VEPH1: variants seen among roughly 807,000 people sequenced by gnomAD.
The protein encoded by VEPH1 is ventricular zone expressed PH domain containing 1.
In VEPH1, 80 loss-of-function variants were observed where a neutral mutation model predicts 85.2. The observed-to-expected ratio is 0.94, with a 90% CI of 0.78 to 1.13. The LOEUF is 1.13. VEPH1 is among the 50% of genes most tolerant of loss of function. VEPH1 has a pLI of 0.00. For missense variants in VEPH1, 955 were observed against 980.5 expected, an observed-to-expected ratio of 0.97 and a Z score of 0.35; for synonymous variants, 297 against 348.0, an observed-to-expected ratio of 0.85 and a Z score of 1.63.
intron 4 of VEPH1, chr3:157,437,399 G>A: frequency 7.8e-7 from 1 of 1,279,718 alleles, no homozygotes; most frequent in Non-Finnish European, 1.1e-6. Context: ...TAAAGGGAAG[G>A]GGAATGCCAG....
At chr3:157,478,770 A>T (rs954506220) in intron 2 of VEPH1, among the ~76,000 whole-genome samples, 27 of 152,356 alleles carry the variant, frequency 1.8e-4, no homozygotes, top group African/African-American at 6.5e-4. Context: ...CACATTGTTC[A>T]TAACTGCAGC....
intron 7 of VEPH1, among the ~76,000 whole-genome samples, chr3:157,369,368 A>C (rs1338402618): frequency 6.6e-6 from 1 of 152,078 alleles, no homozygotes; most frequent in Non-Finnish European, 1.5e-5. Context: ...AATATGAAGA[A>C]TGAAGAAGCA....
intron 7 of VEPH1, among the ~76,000 whole-genome samples, chr3:157,375,183 G>A (rs1463988504): frequency 6.6e-6 from 1 of 152,230 alleles, no homozygotes; most frequent in Non-Finnish European, 1.5e-5. Context: ...TAGCACAGGA[G>A]CTACCATGTG....
At chr3:157,352,398 T>A (rs1285140192) in intron 9 of VEPH1, among the ~76,000 whole-genome samples, 2 of 152,238 alleles carry the variant, frequency 1.3e-5, no homozygotes, top group Non-Finnish European at 2.9e-5. Context: ...AACTTTCTAT[T>A]GAGTAAGGTG....
At position 157,470,404 on chromosome 3, in the gene VEPH1, G is replaced by C. The variant is rs565644625; in HGVS notation, c.264C>G (p.Ser88=). 6.2e-7 allele frequency: 1 copy of C among 1,614,128 alleles called. No individual in the cohort carries two copies. Among genetic ancestry groups the C allele is most frequent in the African/African-American group, 1.3e-5 (1 of 75,026 alleles). Residue 88 remains serine, a synonymous_variant, in exon 3 of 14, where the codon TCC becomes TCG. Coordinates refer to ENST00000362010, the MANE Select transcript of VEPH1 (RefSeq NM_001167912.2). ...HAKALVGLWD[S]CLEHNLRPFG... ...AGGGTCTCAGGTTATGTTCCAAGCAGGAGTCCCAGAGCCCCACAAGGGCCT... is the reference window on the plus strand; with the variant it reads ...AGGGTCTCAGGTTATGTTCCAAGCACGAGTCCCAGAGCCCCACAAGGGCCT...
At chr3:157,401,565 T>G (rs1037937741) in intron 6 of VEPH1, among the ~76,000 whole-genome samples, 2 of 152,098 alleles carry the variant, frequency 1.3e-5, no homozygotes, top group Non-Finnish European at 2.9e-5. Flanking sequence ...ATTTCATTAC[T>G]TATAGAGAAG....
At chr3:157,321,004 C>T in intron 9 of VEPH1, among the ~76,000 whole-genome samples, 1 of 152,026 alleles carries the variant, frequency 6.6e-6, no homozygotes, top group Non-Finnish European at 1.5e-5. Flanking sequence ...GGTGGCCACT[C>T]ATAACCTATG....
intron 13 of VEPH1, among the ~76,000 whole-genome samples, chr3:157,265,003 A>G (rs1329865064): frequency 6.6e-6 from 1 of 152,198 alleles, no homozygotes; most frequent in Non-Finnish European, 1.5e-5. Flanking sequence ...AATATTTATT[A>G]ATTTGATCAT....
intron 4 of VEPH1, among the ~76,000 whole-genome samples, chr3:157,444,812 GAACA>G (rs945884192): frequency 6.6e-6 from 1 of 152,090 alleles, no homozygotes; most frequent in Non-Finnish European, 1.5e-5. Context: ...TTAGGGTGAA[GAACA>G]AACAAATAGA....
Position 157,448,185 on chromosome 3 carries a change from A to G in VEPH1, c.529+11996T>C, listed in dbSNP as rs572053248. ...CAATGGTTTGAAATTTGTCTCACAC[A>G]GAGAAAAAATGAGCTGAATTTATCA... On this transcript the variant is annotated intron_variant, in intron 4 of 13. Transcript: ENST00000362010. Among the ~76,000 whole-genome samples, 29 of 152,306 alleles carry G rather than the reference A, an allele frequency of 1.9e-4. 1 individual carries two copies. The South Asian group carries it at 5.4e-3, about 28-fold the overall frequency.
intron 11 of VEPH1, among the ~76,000 whole-genome samples, chr3:157,297,847 A>G (rs73156718): frequency 0.15 from 23,446 of 152,136 alleles, 2,266 homozygotes; most frequent in African/African-American, 0.27. Flanking sequence ...GACATTAGTG[A>G]AGAGACGGGA....
At chr3:157,310,823 T>C (rs1164981904) in intron 11 of VEPH1, among the ~76,000 whole-genome samples, 1 of 152,094 alleles carries the variant, frequency 6.6e-6, no homozygotes. Context: ...GTGACACATA[T>C]CCCCTCCCAT....
chr3:157,431,349 C>T (rs1276223609), intron 4 of VEPH1, among the ~76,000 whole-genome samples: 1 of 152,142 alleles, frequency 6.6e-6, no homozygotes, highest in Non-Finnish European at 1.5e-5. Flanking sequence ...CAGACAGATA[C>T]ATCCAGCTTT....
intron 4 of VEPH1, among the ~76,000 whole-genome samples, chr3:157,430,924 G>A (rs1332500287): frequency 6.6e-6 from 1 of 152,144 alleles, no homozygotes; most frequent in Non-Finnish European, 1.5e-5. Flanking sequence ...AAATCAATGT[G>A]TGCCCAGGGC....
At chr3:157,328,859 T>G (rs2108590744) in intron 9 of VEPH1, among the ~76,000 whole-genome samples, 1 of 152,342 alleles carries the variant, frequency 6.6e-6, no homozygotes, top group Middle Eastern at 3.4e-3. Context: ...ATGTGTGTAT[T>G]GCCATTTAAT....
upstream of VEPH1, chr3:157,503,587 C>A (rs1740274705): frequency 2.0e-5 from 3 of 152,210 alleles, no homozygotes; most frequent in Admixed American, 6.5e-5. Flanking sequence ...TTTCTCTGAG[C>A]AGATCTGTAG....
chr3:157,460,210 G>T lies in VEPH1; in HGVS notation c.500C>A (p.Thr167Lys). The T allele has an allele frequency of 1.2e-6, 2 of 1,614,060 alleles. No individual in the cohort carries two copies. The highest frequency in any genetic ancestry group is 1.1e-5 in the South Asian group (1 of 91,070). The stretch of plus-strand genomic sequence containing the variant: ...GAGTATGCTCTTTACTATAACTTCC[G>T]TGTGATCAGCCAGGAGATCTGCCTT... ...ITKADLLADH[T>K]EVIVKSILQG... The change falls in exon 4 of 14, where the codon ACG (threonine) becomes AAG (lysine). Residue 167 changes from threonine (T) to lysine (K), a missense_variant. Coordinates refer to ENST00000362010, the MANE Select transcript of VEPH1 (RefSeq NM_001167912.2).
At chr3:157,427,145 G>A (rs1435101510) in intron 5 of VEPH1, among the ~76,000 whole-genome samples, 1 of 151,870 alleles carries the variant, frequency 6.6e-6, no homozygotes, top group Non-Finnish European at 1.5e-5. Flanking sequence ...GCACCACCAT[G>A]CCCAGCTAGC....
At chr3:157,335,683 T>C (rs1171640188) in intron 9 of VEPH1, among the ~76,000 whole-genome samples, 1 of 152,154 alleles carries the variant, frequency 6.6e-6, no homozygotes, top group Non-Finnish European at 1.5e-5. Flanking sequence ...GTACAAAAAG[T>C]GTCCATCTCT....
Sources: allele counts gnomAD v4.1 joint callset (sites outside exome capture counted in the v4.1 genomes callset), GRCh38; gene constraint gnomAD v4.1.1; transcripts MANE v1.5; gene names NCBI Gene and HGNC (gene_info 2026-07-23, HGNC 2026-07-21).